ALS2: variants seen among roughly 807,000 people sequenced by gnomAD.
ALS2 encodes alsin.
ALS2 carries 117 observed loss-of-function variants against 203.4 expected under a neutral mutation model. That is an observed-to-expected ratio of 0.58 (90% confidence interval 0.50 to 0.67). ALS2 has a LOEUF of 0.67. ALS2 is among the 30% of genes least tolerant of loss of function. The probability of loss-of-function intolerance (pLI) is 0.00; values close to 1 mark genes in which losing one functional copy is unlikely to be tolerated. For synonymous variants in ALS2, 718 were observed against 725.9 expected (o/e 0.99, Z 0.17); for missense variants, 1,715 against 1,989.4 (o/e 0.86, Z 2.62).
At chr2:201,751,509 A>C (rs1442807308) in intron 7 of ALS2, among the ~76,000 whole-genome samples, 2 of 152,212 alleles carry the variant, frequency 1.3e-5, no homozygotes, top group Admixed American at 6.5e-5. Context: ...AAATATAAAT[A>C]TCCTTTTGAC....
At chr2:201,770,982 A>T (rs2106109091) in intron 1 of ALS2, among the ~76,000 whole-genome samples, 1 of 152,044 alleles carries the variant, frequency 6.6e-6, no homozygotes, top group South Asian at 2.1e-4. Context: ...AATTTGTTGC[A>T]GCTGCAGTAG....
Position 201,761,563 on chromosome 2 carries a change from GC to G in ALS2, c.430del (p.Ala144ProfsTer5). On this transcript the variant is annotated frameshift_variant, in exon 4 of 34. Transcript: ENST00000264276. LOFTEE classifies it high-confidence loss of function. ...PNPVSIADSE[A>X]SPLLAVRILQ... ...AATCCTGACTGCTAACAAAGGGCTG[GC>G]CTCAGAATCAGCAATGCTGACAGGA... The G allele has an allele frequency of 2.5e-6, 4 of 1,614,230 alleles. No homozygotes were observed. The highest frequency in any genetic ancestry group is 3.4e-6 in the Non-Finnish European group (4 of 1,180,038).
chr2:201,709,711 C>T (rs551543434), intron 27 of ALS2, among the ~76,000 whole-genome samples, 170 bp downstream of exon 27: 52 of 152,282 alleles, frequency 3.4e-4, no homozygotes, highest in Middle Eastern at 3.4e-3. Context: ...AGCTAAGGTT[C>T]ATCTTTTTTA....
chr2:201,708,427 C>T (rs1689855605), intron 27 of ALS2, among the ~76,000 whole-genome samples: 1 of 152,082 alleles, frequency 6.6e-6, no homozygotes, highest in Non-Finnish European at 1.5e-5. Flanking sequence ...ATTCAGGAGG[C>T]ACATATGTAG....
rs540982648 is a variant in ALS2 at position 201,768,992 on chromosome 2, C to T, written c.-60-47G>A. 11 of 997,184 alleles carry T rather than the reference C, an allele frequency of 1.1e-5. No homozygotes were observed. The East Asian group carries it at 2.3e-4, about 21-fold the overall frequency. The allele number at this position is 997,184 out of a possible 1,614,324, so 61.8% of individuals were successfully genotyped here. On this transcript the variant is annotated intron_variant, in intron 1 of 33. Coordinates refer to ENST00000264276, the MANE Select transcript of ALS2 (RefSeq NM_020919.4). Reference sequence around the variant, plus strand: ...AAGAGCAGTAAAAGAATATTTTACCCCTCAGACATTAAAAAAAAAAAAAGC... The same window carrying T: ...AAGAGCAGTAAAAGAATATTTTACCTCTCAGACATTAAAAAAAAAAAAAGC...
intron 23 of ALS2, chr2:201,719,991 A>G: frequency 4.1e-6 from 1 of 246,730 alleles, no homozygotes; most frequent in South Asian, 3.9e-5. Flanking sequence ...CTCACAAAGT[A>G]ATGCTTAGGC....
At chr2:201,757,820 A>G (rs7597934) in intron 4 of ALS2, 61 bp from the exon 5 acceptor site, 3 of 1,312,544 alleles carry the variant, frequency 2.3e-6, no homozygotes, top group South Asian at 2.6e-5. Context: ...ACAAGCAATC[A>G]ATAAAAAGAA....
At chr2:201,727,651 C>G in intron 16 of ALS2, 54 bp downstream of exon 16, 1 of 1,267,990 alleles carries the variant, frequency 7.9e-7, no homozygotes, top group South Asian at 1.3e-5. Context: ...TTTAAGGAAG[C>G]AACCTGGGTA....
chr2:201,710,127 A>G, intron 26 of ALS2, 89 bp from the exon 27 acceptor site: 1 of 1,477,302 alleles, frequency 6.8e-7, no homozygotes, highest in Non-Finnish European at 9.4e-7. Flanking sequence ...TAAATGACAC[A>G]CAATTGTCAA....
chr2:201,761,378 C>G lies in ALS2; in HGVS notation c.616G>C (p.Val206Leu). 1 of 1,612,518 alleles carries G rather than the reference C, an allele frequency of 6.2e-7. No individual in the cohort carries two copies. Among genetic ancestry groups the G allele is most frequent in the East Asian group, 2.2e-5 (1 of 44,848 alleles). Residue 206 changes from valine (V) to leucine (L), a missense_variant, in exon 4 of 34, where the codon GTT (valine) becomes CTT (leucine). By Grantham distance (32) the Val-to-Leu change is conservative. This residue lies in a region of ALS2 where 476 missense variants were observed against 539.3 expected (regional missense o/e 0.88). Transcript: ENST00000264276. ...AAGCTGTGGAAAGCACCACAGGCAA[C>G]TTGAAGCACCACTCGCCCAGCAAGA... ...EHLAGRVVLQVACGAFHSLAL... is the reference protein window; with the variant it reads ...EHLAGRVVLQLACGAFHSLAL...
intron 16 of ALS2, 28 bp downstream of exon 16, chr2:201,727,677 G>C: frequency 6.5e-7 from 1 of 1,538,094 alleles, no homozygotes; most frequent in Non-Finnish European, 8.8e-7. Flanking sequence ...CTTGGACGGG[G>C]TGGGGTGGGG....
At chr2:201,780,640 G>T (rs1232735719) in intron 1 of ALS2, among the ~76,000 whole-genome samples, 1 of 152,220 alleles carries the variant, frequency 6.6e-6, no homozygotes, top group Non-Finnish European at 1.5e-5. Context: ...GGGCAAGTGG[G>T]AGAACCTGGG....
intron 4 of ALS2, chr2:201,759,849 T>C: frequency 2.0e-6 from 2 of 985,350 alleles, no homozygotes; most frequent in Non-Finnish European, 2.4e-6. Context: ...GATCTTTTGT[T>C]TTGTTTTCTT....
chr2:201,735,853 A>T (rs1323833363), intron 12 of ALS2, among the ~76,000 whole-genome samples: 1 of 152,210 alleles, frequency 6.6e-6, no homozygotes, highest in East Asian at 1.9e-4. Flanking sequence ...TTAAACTGTC[A>T]CAAGTCTCCA....
chr2:201,720,038 AAAG>A (rs775168861), intron 23 of ALS2: 8 of 361,664 alleles, frequency 2.2e-5, no homozygotes, highest in Admixed American at 4.2e-5. Context: ...CCAAACATTC[AAAG>A]AAGAAATAAT....
At position 201,741,774 on chromosome 2, in the gene ALS2, G is replaced by A; in HGVS notation, c.2251C>T (p.Gln751Ter). ...AAGCTGCTCAATGAGGCTCCATGCT[G>A]ACCAATGAGGTAACACAGCTTGCTG... ...RFSKLCYLIGQHGASLSSFLH... is the reference protein window; with the variant it reads ...RFSKLCYLIG The change falls in exon 11 of 34, where the codon CAG becomes TAG. Residue 751 changes from glutamine (Q) to a stop codon, truncating the protein, a stop_gained. Transcript: ENST00000264276. LOFTEE classifies it high-confidence loss of function. 2 of 1,614,100 alleles carry A rather than the reference G, an allele frequency of 1.2e-6. No individual in the cohort carries two copies. Among genetic ancestry groups the A allele is most frequent in the Non-Finnish European group, 1.7e-6 (2 of 1,179,998 alleles).
chr2:201,720,726 C>A (rs1333336973), intron 23 of ALS2, among the ~76,000 whole-genome samples: 1 of 151,540 alleles, frequency 6.6e-6, no homozygotes, highest in Non-Finnish European at 1.5e-5. Context: ...CACACACACA[C>A]ACACACACAC....
Position 201,718,207 on chromosome 2 carries a change from T to G in ALS2, c.3706A>C (p.Thr1236Pro). ...SDDWTLSGKG[T>P]LTMPNGDYIE... ...TAGTCTCCATTTGGCATAGTCAGTGTTCCCTAGGTAAAGTCAGAGAATAAA... is the reference window on the plus strand; with the variant it reads ...TAGTCTCCATTTGGCATAGTCAGTGGTCCCTAGGTAAAGTCAGAGAATAAA... The change falls in exon 24 of 34, where the codon ACA becomes CCA. Residue 1236 changes from threonine to proline, a missense_variant. Around this residue, in one of 3 missense-constraint regions of ALS2, gnomAD observed 1,227 missense variants for 1,413.5 expected, o/e 0.87. Transcript: ENST00000264276. 6.2e-7 allele frequency: 1 copy of G among 1,612,274 alleles called. No homozygotes were observed. Among genetic ancestry groups the G allele is most frequent in the Non-Finnish European group, 8.5e-7 (1 of 1,178,366 alleles).
chr2:201,776,343 G>A lies in ALS2; in HGVS notation c.-61+4534C>T, dbSNP rs139930356. 3.4e-3 allele frequency among the ~76,000 whole-genome samples: 512 copies of A among 152,104 alleles called. 12 individuals are homozygous for A. Among genetic ancestry groups the A allele is most frequent in the Non-Finnish European group, 6.5e-4 (44 of 67,998 alleles). On this transcript the variant is annotated intron_variant, in intron 1 of 33. Transcript: ENST00000264276. ...GAAACTACACTCTCCTGGTTATGACGATCCTCTAATCGGAAATTATTCATG... is the reference window on the plus strand; with the variant it reads ...GAAACTACACTCTCCTGGTTATGACAATCCTCTAATCGGAAATTATTCATG...
Sources: gnomAD v4.1 joint callset for allele counts (sites outside exome capture counted in the v4.1 genomes callset) on GRCh38, gnomAD v4.1.1 for gene constraint, gnomAD v4.1.1 regional missense constraint, MANE v1.5 for transcripts, NCBI Gene and HGNC (gene_info 2026-07-23, HGNC 2026-07-21) for gene names.